PRKX: variants seen among roughly 807,000 people sequenced by gnomAD.
PRKX encodes cAMP-dependent protein kinase catalytic subunit PRKX.
PRKX carries 12 observed loss-of-function variants against 22.0 expected under a neutral mutation model. The ratio of observed to expected loss-of-function variants is 0.54; its 90% CI spans 0.35 to 0.88. The LOEUF (loss-of-function observed/expected upper bound fraction) is 0.88, where lower values mean the gene tolerates loss of function less well. Among genes scored for constraint, PRKX ranks in the 40% least tolerant of loss-of-function variants. The pLI is 0.01. For missense variants in PRKX, 217 were observed against 308.0 expected (o/e 0.70, Z 2.21); for synonymous variants, 134 against 137.7 (o/e 0.97, Z 0.19).
At chrX:3,613,493 TG>T (rs2146555006) in intron 7 of PRKX, among the ~76,000 whole-genome samples, 1 of 109,944 alleles carries the variant, frequency 9.1e-6, no homozygotes, top group African/African-American at 3.3e-5. Flanking sequence ...GTATTCAAAT[TG>T]TTTTTTTAAT....
intron 6 of PRKX, among the ~76,000 whole-genome samples, chrX:3,618,117 T>C (rs768973378): frequency 0.11 from 11,765 of 106,014 alleles, 634 homozygotes; most frequent in Middle Eastern, 0.19. Context: ...ACAAATACAG[T>C]CTGACCTCAC....
chrX:3,705,691 C>CTTTTTTTTTTTT (rs1365283802), intron 1 of PRKX, among the ~76,000 whole-genome samples: 1 of 101,816 alleles, frequency 9.8e-6, no homozygotes, highest in East Asian at 3.1e-4. Context: ...TTTTTCTTTT[C>CTTTTTTTTTTTT]TTTTTTTTTT....
At chrX:3,625,264 GT>G (rs1926637554) in intron 5 of PRKX, among the ~76,000 whole-genome samples, 1 of 111,395 alleles carries the variant, frequency 9.0e-6, no homozygotes, top group Non-Finnish European at 1.9e-5. Flanking sequence ...GATGGGGTGC[GT>G]TCACCACCAA....
intron 3 of PRKX, among the ~76,000 whole-genome samples, chrX:3,652,394 G>A (rs184509612): frequency 0.023 from 2,427 of 106,284 alleles, 28 homozygotes; most frequent in Non-Finnish European, 0.035. Context: ...CTCCAGCCTG[G>A]GCGACAGAGC....
chrX:3,610,585 C>T (rs1926274627), intron 8 of PRKX, among the ~76,000 whole-genome samples: 1 of 111,106 alleles, frequency 9.0e-6, no homozygotes, highest in African/African-American at 3.3e-5. Context: ...CATACTTTCT[C>T]AACAATGCAT....
rs1196276826 is a variant in PRKX, at chrX:3,674,705, G to A, written c.228C>T (p.Ala76=). ...VKEKTAKHFF[A]LKVMSIPDVI... ...CGTCGGGAATGCTCATCACCTTGAG[G>A]GCGAAGAAATGCTTGGCTGTCTTCT... The change falls in exon 2 of 9, where the codon GCC becomes GCT. Residue 76 remains alanine (A), a synonymous_variant. Coordinates refer to ENST00000262848, the MANE Select transcript of PRKX (RefSeq NM_005044.5). 8.3e-7 allele frequency: 1 copy of A among 1,209,284 alleles called. No individual in the cohort carries two copies. The highest frequency in any genetic ancestry group is 1.8e-5 in the African/African-American group (1 of 57,072).
chrX:3,625,349 A>G (rs948555501), intron 5 of PRKX, among the ~76,000 whole-genome samples: 1 of 111,562 alleles, frequency 9.0e-6, no homozygotes, highest in African/African-American at 3.3e-5. Flanking sequence ...GCCCTGAAAT[A>G]AGTCTTCTCT....
intron 1 of PRKX, among the ~76,000 whole-genome samples, chrX:3,675,491 T>C (rs1467353509): frequency 3.6e-5 from 4 of 109,862 alleles, no homozygotes; most frequent in South Asian, 7.9e-4. Context: ...TCCTCAATCT[T>C]CTCCTCCTTC....
intron 5 of PRKX, among the ~76,000 whole-genome samples, chrX:3,625,700 T>G (rs1223546849): frequency 2.7e-5 from 3 of 110,346 alleles, no homozygotes; most frequent in Admixed American, 9.7e-5. Flanking sequence ...GCCTCCCAAG[T>G]AGCTGAGACT....
At chrX:3,630,156 A>G (rs1926740084) in intron 4 of PRKX, among the ~76,000 whole-genome samples, 2 of 112,517 alleles carry the variant, frequency 1.8e-5, no homozygotes. Context: ...AAATATATAT[A>G]CTTAAAACTG....
intron 5 of PRKX, among the ~76,000 whole-genome samples, chrX:3,624,146 G>A (rs1926614511): frequency 9.0e-6 from 1 of 111,462 alleles, no homozygotes; most frequent in Non-Finnish European, 1.9e-5. Flanking sequence ...AGGATCAGTT[G>A]AGCCCAGGAG....
chrX:3,677,933 A>C (rs1463668193), intron 1 of PRKX, among the ~76,000 whole-genome samples: 2 of 112,418 alleles, frequency 1.8e-5, no homozygotes, highest in Non-Finnish European at 3.7e-5. Context: ...TTTTTAAAGT[A>C]TATTCTCTTA....
chrX:3,608,447 T>A lies in PRKX; in HGVS notation c.*522A>T, dbSNP rs769939584. The A allele has an allele frequency of 9.1e-6, 1 of 109,472 alleles. No homozygotes were observed. The highest frequency in any genetic ancestry group is 2.9e-4 in the East Asian group (1 of 3,494). The allele number at this position is 109,472 out of a possible 1,213,427, so 9.0% of individuals were successfully genotyped here. On this transcript the variant is annotated 3_prime_UTR_variant, in exon 9 of 9. Coordinates refer to ENST00000262848, the MANE Select transcript of PRKX (RefSeq NM_005044.5). ...CATGCAACATACCCTTCAGATGTTG[T>A]CCCCGAGAAGAGATTTTTGAAAAAA...
At chrX:3,653,997 CTA>C (rs1398608053) in intron 3 of PRKX, among the ~76,000 whole-genome samples, 3 of 70,614 alleles carry the variant, frequency 4.2e-5, no homozygotes, top group Admixed American at 2.2e-4. Flanking sequence ...ATATTATATA[CTA>C]TGTGATATAT....
At chrX:3,634,799 C>G (rs1475057282) in intron 4 of PRKX, among the ~76,000 whole-genome samples, 1 of 111,949 alleles carries the variant, frequency 8.9e-6, no homozygotes, top group African/African-American at 3.2e-5. Flanking sequence ...CAGTGATCCT[C>G]CCACCTCAGC....
chrX:3,615,009 AG>A (rs974536533), intron 7 of PRKX, among the ~76,000 whole-genome samples: 15 of 63,994 alleles, frequency 2.3e-4, no homozygotes, highest in African/African-American at 9.6e-4. Flanking sequence ...AAAAAATGCC[AG>A]ATTTTTTTTT....
At chrX:3,693,148 C>A (rs1928368687) in intron 1 of PRKX, among the ~76,000 whole-genome samples, 1 of 110,302 alleles carries the variant, frequency 9.1e-6, no homozygotes, top group Non-Finnish European at 1.9e-5. Flanking sequence ...GGAAGGAGGG[C>A]AGGAAGCATT....
chrX:3,687,803 T>C (rs1249233821), intron 1 of PRKX, among the ~76,000 whole-genome samples: 4 of 111,272 alleles, frequency 3.6e-5, no homozygotes, highest in Non-Finnish European at 3.8e-5. Context: ...TGAGACATCA[T>C]GACCAGAAAT....
At chrX:3,626,267 C>A in intron 5 of PRKX, 152 bp downstream of exon 5, 1 of 440,985 alleles carries the variant, frequency 2.3e-6, no homozygotes, top group Non-Finnish European at 4.0e-6. Flanking sequence ...AAATCTTTTT[C>A]TTTTCTTGTG....
Sources: gnomAD v4.1 joint callset for allele counts (sites outside exome capture counted in the v4.1 genomes callset) on GRCh38, gnomAD v4.1.1 for gene constraint, MANE v1.5 for transcripts, NCBI Gene and HGNC (gene_info 2026-07-23, HGNC 2026-07-21) for gene names.